Variants in KYNU observed in about 807,000 individuals in gnomAD.
KYNU encodes the protein kynureninase.
Under a neutral mutation model 59.2 loss-of-function variants are expected in KYNU, and 54 were observed. The observed-to-expected ratio is 0.91, with a 90% CI of 0.73 to 1.14. The LOEUF (loss-of-function observed/expected upper bound fraction) is 1.14, where lower values mean the gene tolerates loss of function less well. Ranked by LOEUF, KYNU falls within the 50% of genes most tolerant of loss-of-function variation. KYNU has a pLI of 0.00. For synonymous variants in KYNU, 177 were observed against 192.0 expected, an observed-to-expected ratio of 0.92 and a Z score of 0.65; for missense variants, 567 against 554.4, an observed-to-expected ratio of 1.02 and a Z score of -0.23.
intron 2 of KYNU, among the ~76,000 whole-genome samples, chr2:142,903,468 G>T (rs1188415973): frequency 6.6e-6 from 1 of 152,088 alleles, no homozygotes; most frequent in Non-Finnish European, 1.5e-5. Flanking sequence ...TGTGAAAAGA[G>T]TAAAGTTCCC....
intron 10 of KYNU, among the ~76,000 whole-genome samples, chr2:142,987,329 A>G (rs352862): frequency 6.6e-6 from 1 of 151,506 alleles, no homozygotes; most frequent in Non-Finnish European, 1.5e-5. Flanking sequence ...GGTGGGGGGG[A>G]AGAAGTAATA....
At chr2:142,885,098 C>T (rs1681457024) in intron 1 of KYNU, among the ~76,000 whole-genome samples, 1 of 133,146 alleles carries the variant, frequency 7.5e-6, no homozygotes, top group African/African-American at 2.8e-5. Flanking sequence ...CTCCTGACCT[C>T]AAGTGATCCG....
chr2:142,886,730 T>C (rs1289918827), intron 2 of KYNU, among the ~76,000 whole-genome samples: 1 of 152,208 alleles, frequency 6.6e-6, no homozygotes, highest in Non-Finnish European at 1.5e-5. Context: ...ATAAGGGGCT[T>C]GGTGATATGT....
At chr2:142,883,400 G>T (rs1039900569) in intron 1 of KYNU, among the ~76,000 whole-genome samples, 3 of 151,466 alleles carry the variant, frequency 2.0e-5, no homozygotes, top group African/African-American at 7.3e-5. Context: ...GGGCTTCACC[G>T]TGTTAGCCAG....
intron 2 of KYNU, among the ~76,000 whole-genome samples, chr2:142,886,175 A>G (rs1327627721): frequency 6.6e-6 from 1 of 152,218 alleles, no homozygotes; most frequent in South Asian, 2.1e-4. Flanking sequence ...GATTCATCAT[A>G]TTTAGCTTTA....
Position 143,044,944 on chromosome 2 carries a change from A to T in KYNU, c.*2772A>T, listed in dbSNP as rs1687142180. Reference sequence around the variant, plus strand: ...AATGGTATTGCCTAGATATTCTTCTAGGGTTTTTTTTTTGGCTTTAGGTCT... The same window carrying T: ...AATGGTATTGCCTAGATATTCTTCTTGGGTTTTTTTTTTGGCTTTAGGTCT... On this transcript the variant is annotated 3_prime_UTR_variant, in exon 14 of 14. Coordinates refer to ENST00000264170, the MANE Select transcript of KYNU (RefSeq NM_003937.3). The T allele has an allele frequency of 1.1e-5, 1 of 87,416 alleles. No homozygotes were observed. Among genetic ancestry groups the T allele is most frequent in the African/African-American group, 3.5e-5 (1 of 28,670 alleles). 5.4% of individuals were successfully genotyped at this position (87,416 alleles called of 1,614,324 possible).
chr2:142,993,706 C>T (rs1300288910), intron 10 of KYNU, among the ~76,000 whole-genome samples: 1 of 151,950 alleles, frequency 6.6e-6, no homozygotes, highest in Non-Finnish European at 1.5e-5. Context: ...AACTTACATG[C>T]ATTGAGGCAC....
intron 4 of KYNU, among the ~76,000 whole-genome samples, chr2:142,934,970 G>C (rs1170140827): frequency 6.6e-6 from 1 of 152,206 alleles, no homozygotes; most frequent in African/African-American, 2.4e-5. Context: ...TTGCTAGGAG[G>C]CTTCCCTGTT....
intron 4 of KYNU, among the ~76,000 whole-genome samples, chr2:142,933,310 G>T (rs576382170): frequency 6.6e-6 from 1 of 152,252 alleles, no homozygotes; most frequent in South Asian, 2.1e-4. Flanking sequence ...AAGGTTTGGT[G>T]AGGTCTGGGA....
chr2:143,019,808 CT>C (rs1359046094), intron 10 of KYNU, among the ~76,000 whole-genome samples: 2 of 151,920 alleles, frequency 1.3e-5, no homozygotes, highest in African/African-American at 2.4e-5. Flanking sequence ...TAATGGGAGG[CT>C]TTTTATTATT....
intron 12 of KYNU, among the ~76,000 whole-genome samples, chr2:143,037,043 A>G (rs1686911181): frequency 6.6e-6 from 1 of 152,206 alleles, no homozygotes; most frequent in Middle Eastern, 3.2e-3. Flanking sequence ...ATACATGTGT[A>G]TATGGTTGAT....
At chr2:142,883,251 T>C (rs1681368815) in intron 1 of KYNU, among the ~76,000 whole-genome samples, 1 of 133,150 alleles carries the variant, frequency 7.5e-6, no homozygotes, top group African/African-American at 2.9e-5. Context: ...TGGAGTGCAG[T>C]GGTGCAACCT....
chr2:142,986,014 A>G lies in KYNU; in HGVS notation c.895A>G (p.Lys299Glu), dbSNP rs769359100. 6.2e-7 allele frequency: 1 copy of G among 1,608,322 alleles called. No homozygotes were observed. Among genetic ancestry groups the G allele is most frequent in the Admixed American group, 1.7e-5 (1 of 59,784 alleles). ...FIHEKHAHTI[K>E]PALVGWFGHE... ...TCATGAAAAGCATGCCCATACGATT[A>G]AACCTGCGTGAGTACCATCTTCAGC... The change falls in exon 10 of 14, where the codon AAA (lysine) becomes GAA (glutamate). Residue 299 changes from lysine to glutamate, a missense_variant. By Grantham distance (56) the Lys-to-Glu change is moderately conservative. Coordinates refer to ENST00000264170, the MANE Select transcript of KYNU (RefSeq NM_003937.3).
chr2:142,968,351 A>G (rs1684611273), intron 8 of KYNU, among the ~76,000 whole-genome samples: 2 of 152,178 alleles, frequency 1.3e-5, no homozygotes, highest in Non-Finnish European at 1.5e-5. Context: ...ATTGCAGGGA[A>G]GCAAGTATTT....
intron 8 of KYNU, among the ~76,000 whole-genome samples, chr2:142,971,606 A>G (rs1180708655): frequency 2.0e-5 from 3 of 152,194 alleles, no homozygotes; most frequent in Non-Finnish European, 2.9e-5. Flanking sequence ...AAGCTATGTC[A>G]GTAGAGTGTT....
intron 8 of KYNU, among the ~76,000 whole-genome samples, chr2:142,968,849 G>T (rs1573853098): frequency 6.6e-6 from 1 of 152,096 alleles, no homozygotes; most frequent in East Asian, 1.9e-4. Flanking sequence ...GGAGGTGGAG[G>T]CTGCAATGAA....
At chr2:142,996,690 G>A (rs543119403) in intron 10 of KYNU, among the ~76,000 whole-genome samples, 1 of 152,240 alleles carries the variant, frequency 6.6e-6, no homozygotes, top group East Asian at 1.9e-4. Context: ...TGCCAGTCAG[G>A]GGCCAGAACA....
chr2:142,960,890 T>TAAAAAA lies in KYNU; in HGVS notation c.729+126_729+131dup, dbSNP rs5834931. On this transcript the variant is annotated intron_variant, in intron 8 of 13. Coordinates refer to ENST00000264170, the MANE Select transcript of KYNU (RefSeq NM_003937.3). ...GTCTGAGTAAAACTATTTCAAAAGT[T>TAAAAAA]AAAAAAAAAAAGAGTAAACCTTGGG... The TAAAAAA allele has an allele frequency of 1.5e-4, 140 of 931,860 alleles. 1 individual carries two copies. Among genetic ancestry groups the TAAAAAA allele is most frequent in the South Asian group, 2.6e-4 (17 of 65,252 alleles). 57.7% of individuals were successfully genotyped at this position (931,860 alleles called of 1,614,324 possible). A position where few individuals can be genotyped will look rare whatever the true frequency, so the allele number is the denominator to read the frequency against.
rs1321390594 is a variant in KYNU, at chr2:143,040,479, A to C, written c.1093A>C (p.Thr365Pro). The C allele has an allele frequency of 6.2e-7, 1 of 1,613,200 alleles. No homozygotes were observed. The highest frequency in any genetic ancestry group is 8.5e-7 in the Non-Finnish European group (1 of 1,179,534). Residue 365 changes from threonine to proline, a missense_variant, in exon 13 of 14, where the codon ACT (threonine) becomes CCT (proline). Transcript: ENST00000264170. ...KALRKKSVLL[T>P]GYLEYLIKHN... ...ATTGCGGAAAAAATCTGTTTTGCTA[A>C]CTGGCTATCTGGAATACCTGATCAA...
Sources: allele counts gnomAD v4.1 joint callset (sites outside exome capture counted in the v4.1 genomes callset), GRCh38; gene constraint gnomAD v4.1.1; transcripts MANE v1.5; gene names NCBI Gene and HGNC (gene_info 2026-07-23, HGNC 2026-07-21).